Variants in EPHA6 observed in about 807,000 individuals in gnomAD.
EPHA6 encodes the protein ephrin type-A receptor 6.
Under a neutral mutation model 112.0 loss-of-function variants are expected in EPHA6, and 50 were observed. That is an observed-to-expected ratio of 0.45 (90% confidence interval 0.36 to 0.56). The LOEUF is 0.56. Among genes scored for constraint, EPHA6 ranks in the 20% least tolerant of loss-of-function variants. EPHA6 has a pLI of 0.00. For missense variants in EPHA6, 1,280 were observed against 1,417.4 expected, an observed-to-expected ratio of 0.90 and a Z score of 1.56; for synonymous variants, 529 against 490.7, an observed-to-expected ratio of 1.08 and a Z score of -1.03.
intron 11 of EPHA6, among the ~76,000 whole-genome samples, chr3:97,544,756 C>T (rs2092920560): frequency 6.6e-6 from 1 of 152,100 alleles, no homozygotes; most frequent in South Asian, 2.1e-4. Flanking sequence ...TTGATTATTG[C>T]CTCAATTTCA....
chr3:97,546,144 A>G (rs1275822560), intron 11 of EPHA6, among the ~76,000 whole-genome samples: 1 of 152,204 alleles, frequency 6.6e-6, no homozygotes. Flanking sequence ...TAGTTGATGC[A>G]GTTTCTTCCT....
chr3:97,352,598 G>A (rs2083868792), intron 5 of EPHA6, among the ~76,000 whole-genome samples: 1 of 152,186 alleles, frequency 6.6e-6, no homozygotes, highest in South Asian at 2.1e-4. Flanking sequence ...GGAACATTTA[G>A]ATCAGCCCTA....
At chr3:97,008,066 C>G (rs1055974472) in intron 3 of EPHA6, among the ~76,000 whole-genome samples, 1 of 152,130 alleles carries the variant, frequency 6.6e-6, no homozygotes, top group Non-Finnish European at 1.5e-5. Flanking sequence ...CTTGGAGAAT[C>G]TGATGATTAT....
At chr3:97,581,600 TTATAAACACTA>T (rs754326046) in intron 11 of EPHA6, among the ~76,000 whole-genome samples, 14 of 152,370 alleles carry the variant, frequency 9.2e-5, no homozygotes, top group East Asian at 1.9e-4. Context: ...GCCAGGCACT[TTATAAACACTA>T]TTTTGTATAA....
chr3:96,948,788 G>A (rs2107713005), intron 2 of EPHA6, among the ~76,000 whole-genome samples: 1 of 152,196 alleles, frequency 6.6e-6, no homozygotes, highest in Middle Eastern at 3.4e-3. Context: ...AAGATTGTTT[G>A]CTAAGTAAAA....
intron 3 of EPHA6, among the ~76,000 whole-genome samples, chr3:97,010,927 G>A (rs1485722557): frequency 6.6e-6 from 1 of 152,152 alleles, no homozygotes; most frequent in Non-Finnish European, 1.5e-5. Context: ...TTAAAATGCA[G>A]AAATATCTGA....
intron 10 of EPHA6, among the ~76,000 whole-genome samples, chr3:97,520,830 T>C (rs558144398): frequency 2.0e-5 from 3 of 152,336 alleles, no homozygotes; most frequent in South Asian, 2.1e-4. Flanking sequence ...TTCTGGAACA[T>C]TGAAAATTTG....
intron 14 of EPHA6, among the ~76,000 whole-genome samples, chr3:97,703,910 T>C (rs1463754010): frequency 6.6e-6 from 1 of 152,146 alleles, no homozygotes; most frequent in Non-Finnish European, 1.5e-5. Flanking sequence ...TTCTTTCTCA[T>C]TCCCAGTACA....
intron 3 of EPHA6, among the ~76,000 whole-genome samples, chr3:97,219,460 A>G (rs1343782733): frequency 2.6e-5 from 4 of 152,144 alleles, no homozygotes; most frequent in African/African-American, 9.7e-5. Context: ...TCTTCTGTGC[A>G]CCTGAAGGCC....
intron 12 of EPHA6, among the ~76,000 whole-genome samples, chr3:97,610,582 TC>T (rs1380571071): frequency 1.3e-5 from 2 of 151,700 alleles, no homozygotes; most frequent in Non-Finnish European, 3.0e-5. Context: ...GTAATTCATG[TC>T]CCTTTTATGA....
chr3:97,528,455 C>T (rs2092653946), intron 10 of EPHA6, among the ~76,000 whole-genome samples: 1 of 152,030 alleles, frequency 6.6e-6, no homozygotes, highest in African/African-American at 2.4e-5. Context: ...AGAGTAGAGA[C>T]AGGAGAGGAA....
Position 96,955,540 on chromosome 3 carries a change from T to C in EPHA6, c.451-31790T>C, listed in dbSNP as rs370204670. ...GTTTGTTTCTGTTTAATATTTGTAC[T>C]CTTAGTGTTTTCTTAATTCATTTTT... On this transcript the variant is annotated intron_variant, in intron 2 of 17. Transcript: ENST00000389672. Among the ~76,000 whole-genome samples, 13 of 152,322 alleles carry C rather than the reference T, an allele frequency of 8.5e-5. No homozygotes were observed. The South Asian group carries it at 2.7e-3, about 32-fold the overall frequency.
chr3:97,103,557 G>A (rs2047473011), intron 3 of EPHA6, among the ~76,000 whole-genome samples: 1 of 152,120 alleles, frequency 6.6e-6, no homozygotes, highest in East Asian at 1.9e-4. Context: ...AGTATAGGTT[G>A]AAGTCGGGTT....
intron 14 of EPHA6, among the ~76,000 whole-genome samples, chr3:97,692,968 A>C (rs78033127): frequency 6.6e-6 from 1 of 152,210 alleles, no homozygotes; most frequent in East Asian, 1.9e-4. Context: ...TATTATTAGC[A>C]TTTCTTAGGG....
chr3:96,939,320 C>A (rs1362327885), intron 2 of EPHA6, among the ~76,000 whole-genome samples: 1 of 152,162 alleles, frequency 6.6e-6, no homozygotes, highest in African/African-American at 2.4e-5. Context: ...CAGCTTCTTC[C>A]TGTTTTAGTC....
chr3:96,958,639 CCATCT>C (rs1361871022), intron 2 of EPHA6, among the ~76,000 whole-genome samples: 1 of 152,162 alleles, frequency 6.6e-6, no homozygotes, highest in African/African-American at 2.4e-5. Flanking sequence ...TTCATTCCTC[CCATCT>C]CAAGAACTAG....
At chr3:97,744,618 G>A (rs1049044136) in intron 16 of EPHA6, among the ~76,000 whole-genome samples, 6 of 151,862 alleles carry the variant, frequency 4.0e-5, no homozygotes, top group African/African-American at 1.2e-4. Context: ...AAAGCATTCT[G>A]GAAGCAAATA....
intron 5 of EPHA6, among the ~76,000 whole-genome samples, chr3:97,325,273 T>C (rs1374667863): frequency 6.6e-6 from 1 of 152,118 alleles, no homozygotes; most frequent in African/African-American, 2.4e-5. Context: ...TATTTGGAAG[T>C]TGGAATTCCA....
intron 3 of EPHA6, among the ~76,000 whole-genome samples, chr3:97,100,453 A>G (rs1426123709): frequency 6.6e-6 from 1 of 151,856 alleles, no homozygotes; most frequent in Non-Finnish European, 1.5e-5. Context: ...CCTATTATAT[A>G]CATTATTCTA....
Sources: gnomAD v4.1 joint callset for allele counts (sites outside exome capture counted in the v4.1 genomes callset) on GRCh38, gnomAD v4.1.1 for gene constraint, MANE v1.5 for transcripts, NCBI Gene and HGNC (gene_info 2026-07-23, HGNC 2026-07-21) for gene names.